RALGAPA2: variants seen among roughly 807,000 people sequenced by gnomAD.
The protein encoded by RALGAPA2 is ral GTPase-activating protein subunit alpha-2.
A neutral mutation model predicts 230.4 loss-of-function variants in RALGAPA2; 139 were observed. That is an observed-to-expected ratio of 0.60 (90% confidence interval 0.53 to 0.69). The LOEUF (loss-of-function observed/expected upper bound fraction) is 0.69, where lower values mean the gene tolerates loss of function less well. RALGAPA2 is among the 30% of genes least tolerant of loss of function. The pLI, the probability that RALGAPA2 is intolerant of heterozygous loss-of-function variation, is 0.00. For missense variants in RALGAPA2, 2,163 were observed against 2,276.0 expected (o/e 0.95, Z 1.01); for synonymous variants, 847 against 837.8 (o/e 1.01, Z -0.19).
At chr20:20,670,949 CAAAAAAA>C (rs576675004) in intron 3 of RALGAPA2, among the ~76,000 whole-genome samples, 2 of 55,890 alleles carry the variant, frequency 3.6e-5, no homozygotes, top group Non-Finnish European at 7.6e-5. Flanking sequence ...GACTCCGTCT[CAAAAAAA>C]AAAAAAAAAA....
At chr20:20,704,168 T>G (rs2069507277) in intron 1 of RALGAPA2, among the ~76,000 whole-genome samples, 1 of 152,074 alleles carries the variant, frequency 6.6e-6, no homozygotes, top group Non-Finnish European at 1.5e-5. Flanking sequence ...GTCCCCATCA[T>G]CTAGCACCCC....
chr20:20,630,756 T>C (rs1173469284), intron 9 of RALGAPA2, among the ~76,000 whole-genome samples: 1 of 152,128 alleles, frequency 6.6e-6, no homozygotes, highest in Admixed American at 6.5e-5. Context: ...CTTCTCCACA[T>C]TCCTAACTGT....
rs6132333 is a variant in RALGAPA2 at position 20,653,462 on chromosome 20, T to C, written c.328+68A>G. 44,395 of 857,064 alleles carry C rather than the reference T, an allele frequency of 0.052. 1,572 individuals are homozygous for C. Among genetic ancestry groups the C allele is most frequent in the East Asian group, 0.14 (5,135 of 37,494 alleles). The allele number at this position is 857,064 out of a possible 1,614,324, so 53.1% of individuals were successfully genotyped here. A position where few individuals can be genotyped will look rare whatever the true frequency, so the allele number is the denominator to read the frequency against. On this transcript the variant is annotated intron_variant, in intron 4 of 39. Transcript: ENST00000202677. ...TAAGCTATCTTGATGATATCAATTA[T>C]ATAAAACATTACTGAAAATTCAACT...
chr20:20,493,636 T>C (rs2062124773), intron 36 of RALGAPA2, among the ~76,000 whole-genome samples: 1 of 152,204 alleles, frequency 6.6e-6, no homozygotes, highest in South Asian at 2.1e-4. Flanking sequence ...AATGAGCTAA[T>C]AAAGCCAATT....
intron 37 of RALGAPA2, among the ~76,000 whole-genome samples, chr20:20,427,622 T>C (rs6046855): frequency 0.61 from 92,326 of 151,462 alleles, 28,170 homozygotes; most frequent in African/African-American, 0.65. Flanking sequence ...CCAGTGCTCC[T>C]GGGCACCGTT....
chr20:20,663,139 T>C (rs2067839004), intron 3 of RALGAPA2, among the ~76,000 whole-genome samples: 1 of 151,994 alleles, frequency 6.6e-6, no homozygotes. Context: ...GGTAGAAGAT[T>C]ACAAACCAAA....
Position 20,427,149 on chromosome 20 carries a change from T to C in RALGAPA2, c.5496-15001A>G, listed in dbSNP as rs138774298. ...AAAACTAGCAGAAGACCCAGTTCCA[T>C]CTACTCACTGCTGTTTTCATAGAAA... On this transcript the variant is annotated intron_variant, in intron 37 of 39. Transcript: ENST00000202677. Among the ~76,000 whole-genome samples the C allele has an allele frequency of 7.7e-4, 118 of 152,268 alleles. 1 individual carries two copies. In the East Asian group the frequency reaches 0.02, roughly 26 times the overall value.
intron 36 of RALGAPA2, among the ~76,000 whole-genome samples, chr20:20,490,827 T>C (rs1299298951): frequency 5.9e-5 from 9 of 151,406 alleles, no homozygotes; most frequent in Non-Finnish European, 1.2e-4. Context: ...CTGGGCTAGA[T>C]GTCACCCTGA....
At chr20:20,558,961 TG>T (rs553957893) in intron 23 of RALGAPA2, among the ~76,000 whole-genome samples, 147 of 152,296 alleles carry the variant, frequency 9.7e-4, no homozygotes, top group African/African-American at 3.4e-3. Flanking sequence ...TACTGACTTT[TG>T]CCAGGATGTT....
chr20:20,635,815 T>G (rs1175145607), intron 8 of RALGAPA2, among the ~76,000 whole-genome samples, 198 bp from the exon 9 acceptor site: 1 of 152,216 alleles, frequency 6.6e-6, no homozygotes, highest in African/African-American at 2.4e-5. Context: ...TGACTGAGAA[T>G]GAGTGATGAT....
intron 25 of RALGAPA2, among the ~76,000 whole-genome samples, chr20:20,536,038 G>A (rs369572781): frequency 3.3e-5 from 5 of 152,164 alleles, no homozygotes; most frequent in South Asian, 2.1e-4. Flanking sequence ...GGAGTAGAGC[G>A]CTTCTGGTAT....
intron 16 of RALGAPA2, chr20:20,598,861 T>G (rs775522565): frequency 2.3e-6 from 1 of 428,692 alleles, no homozygotes; most frequent in Non-Finnish European, 4.6e-6. Flanking sequence ...AGAAGAACAA[T>G]AGGACCTTTC....
At chr20:20,672,451 G>C (rs531792703) in intron 3 of RALGAPA2, among the ~76,000 whole-genome samples, 2 of 152,252 alleles carry the variant, frequency 1.3e-5, no homozygotes, top group African/African-American at 4.8e-5. Context: ...CGAGGATCAA[G>C]AGACAATCGA....
chr20:20,650,544 C>A (rs1280672975), intron 4 of RALGAPA2, among the ~76,000 whole-genome samples: 6 of 152,172 alleles, frequency 3.9e-5, no homozygotes, highest in Non-Finnish European at 7.3e-5. Context: ...CTGTCCCCCA[C>A]CAGCTGCAGT....
chr20:20,478,545 A>C (rs1290746309), intron 36 of RALGAPA2, among the ~76,000 whole-genome samples: 1 of 152,180 alleles, frequency 6.6e-6, no homozygotes, highest in Non-Finnish European at 1.5e-5. Flanking sequence ...ATGCAGCTGG[A>C]GGCCATTATC....
intron 37 of RALGAPA2, among the ~76,000 whole-genome samples, chr20:20,414,651 G>C (rs2060131618): frequency 6.6e-6 from 1 of 152,202 alleles, no homozygotes; most frequent in South Asian, 2.1e-4. Context: ...ATTTAGAGGA[G>C]TAATAATGAA....
rs961405927 is a variant in RALGAPA2 at position 20,392,226 on chromosome 20, C to A, written c.*1063G>T. On this transcript the variant is annotated 3_prime_UTR_variant, in exon 40 of 40. Coordinates refer to ENST00000202677, the MANE Select transcript of RALGAPA2 (RefSeq NM_020343.4). ...ACAACAAAAAAACAGGTCTAATAAG[C>A]CTTCCTTGGAGCCAAATGGGCAAAA... is the stretch of plus-strand genomic sequence containing the variant. The A allele has an allele frequency of 2.6e-5, 4 of 152,250 alleles. No individual in the cohort carries two copies. Among genetic ancestry groups the A allele is most frequent in the Admixed American group, 2.0e-4 (3 of 15,288 alleles). 9.4% of individuals were successfully genotyped at this position (152,250 alleles called of 1,614,324 possible).
At chr20:20,667,965 G>A (rs2146724165) in intron 3 of RALGAPA2, among the ~76,000 whole-genome samples, 2 of 152,206 alleles carry the variant, frequency 1.3e-5, no homozygotes, top group Middle Eastern at 6.8e-3. Context: ...TCAGCCAAGG[G>A]CACTCTGGTA....
chr20:20,651,556 C>T (rs1357217098), intron 4 of RALGAPA2, among the ~76,000 whole-genome samples: 1 of 152,106 alleles, frequency 6.6e-6, no homozygotes, highest in African/African-American at 2.4e-5. Flanking sequence ...AAGATGCTGC[C>T]AAACTGGGTA....
Sources: gnomAD v4.1 joint callset for allele counts (sites outside exome capture counted in the v4.1 genomes callset) on GRCh38, gnomAD v4.1.1 for gene constraint, MANE v1.5 for transcripts, NCBI Gene and HGNC (gene_info 2026-07-23, HGNC 2026-07-21) for gene names.